Variants in TRIP12 observed in about 807,000 individuals in gnomAD.
TRIP12 encodes the protein thyroid hormone receptor interactor 12, also known as E3 ubiquitin-protein ligase TRIP12.
A neutral mutation model predicts 244.2 loss-of-function variants in TRIP12; 25 were observed. That is an observed-to-expected ratio of 0.10 (90% confidence interval 0.07 to 0.14). TRIP12 has a LOEUF of 0.14. Ranked by LOEUF, TRIP12 falls within the 10% of genes least tolerant of loss-of-function variation. TRIP12 has a pLI of 1.00. For missense variants in TRIP12, 1,677 were observed against 2,486.4 expected, an observed-to-expected ratio of 0.67 and a Z score of 6.92; for synonymous variants, 905 against 873.1, an observed-to-expected ratio of 1.04 and a Z score of -0.64.
At chr2:229,777,192 G>T (rs1210311864) in intron 37 of TRIP12, 123 bp downstream of exon 37, 23 of 1,133,110 alleles carry the variant, frequency 2.0e-5, no homozygotes, top group South Asian at 3.4e-5. Context: ...TACAATAAAA[G>T]AATTAAAATC....
chr2:229,888,526 T>C (rs902110496), intron 1 of TRIP12, among the ~76,000 whole-genome samples: 3 of 152,008 alleles, frequency 2.0e-5, no homozygotes, highest in South Asian at 2.1e-4. Context: ...GATAGTGGTG[T>C]TGGCAGACAC....
intron 1 of TRIP12, among the ~76,000 whole-genome samples, chr2:229,907,012 C>CT (rs1184147988): frequency 2.6e-5 from 4 of 152,164 alleles, no homozygotes; most frequent in African/African-American, 9.7e-5. Context: ...CAAAACTTTT[C>CT]TAAGTGTGTA....
intron 34 of TRIP12, among the ~76,000 whole-genome samples, chr2:229,785,544 A>G (rs1375233751): frequency 1.3e-5 from 2 of 152,236 alleles, no homozygotes; most frequent in Non-Finnish European, 2.9e-5. Flanking sequence ...AAAGACTAAC[A>G]ACACAAATGT....
rs1310043373 is a variant in TRIP12 at position 229,778,398 on chromosome 2, C to T, written c.5364+35G>A. 4 of 1,612,468 alleles carry T rather than the reference C, an allele frequency of 2.5e-6. No individual in the cohort carries two copies. Among genetic ancestry groups the T allele is most frequent in the South Asian group, 1.1e-5 (1 of 90,890 alleles). On this transcript the variant is annotated intron_variant, in intron 36 of 41. Coordinates refer to ENST00000675903, the MANE Select transcript of TRIP12 (RefSeq NM_001348323.3). This position sits in a 1 kb window ranked among gnomAD's most constrained non-coding sequence, Gnocchi z 4.1. The stretch of plus-strand genomic sequence containing the variant: ...AGGTACTTGCACAGAACATTCTACA[C>T]CAAAACTGCAAAAAGCAAACCATCC...
chr2:229,850,596 G>C (rs1337330888), intron 4 of TRIP12, among the ~76,000 whole-genome samples: 2 of 152,222 alleles, frequency 1.3e-5, no homozygotes, highest in Admixed American at 6.5e-5. Context: ...CGCCTCCTCT[G>C]CCTGGCCTCC....
chr2:229,836,539 T>C (rs1402868738), intron 6 of TRIP12, among the ~76,000 whole-genome samples: 1 of 152,220 alleles, frequency 6.6e-6, no homozygotes, highest in Non-Finnish European at 1.5e-5. Flanking sequence ...TTAAACTATA[T>C]CCTTACATTT....
intron 4 of TRIP12, among the ~76,000 whole-genome samples, chr2:229,850,020 G>C (rs912700381): frequency 1.3e-5 from 2 of 151,538 alleles, no homozygotes; most frequent in Non-Finnish European, 2.9e-5. Context: ...GGTACTTTCT[G>C]GATTACTTTT....
chr2:229,826,848 T>C (rs2051775164), intron 8 of TRIP12, among the ~76,000 whole-genome samples: 2 of 152,174 alleles, frequency 1.3e-5, no homozygotes, highest in Non-Finnish European at 2.9e-5. Flanking sequence ...TTACCATGAA[T>C]GGAGTTTACC....
intron 15 of TRIP12, 146 bp from the exon 16 acceptor site, chr2:229,808,515 A>G (rs2046432268): frequency 1.7e-6 from 1 of 602,566 alleles, no homozygotes. Flanking sequence ...AAAAAATGCA[A>G]AAGTGCTGTA....
chr2:229,823,731 T>C (rs1161663371), intron 8 of TRIP12, among the ~76,000 whole-genome samples: 1 of 151,338 alleles, frequency 6.6e-6, no homozygotes, highest in African/African-American at 2.4e-5. Flanking sequence ...CACATGCCTG[T>C]AACCCCAGCA....
intron 1 of TRIP12, among the ~76,000 whole-genome samples, chr2:229,911,484 T>C (rs1023127518): frequency 1.3e-5 from 2 of 152,240 alleles, no homozygotes; most frequent in African/African-American, 4.8e-5. Context: ...TTAAAGGATA[T>C]AAAACTGTGC....
At chr2:229,886,339 G>A (rs1199722246) in intron 1 of TRIP12, among the ~76,000 whole-genome samples, 1 of 152,150 alleles carries the variant, frequency 6.6e-6, no homozygotes, top group African/African-American at 2.4e-5. Flanking sequence ...GAGAAATTAG[G>A]AGAGTAAGGG....
At chr2:229,883,954 C>CA (rs2065400502) in intron 1 of TRIP12, among the ~76,000 whole-genome samples, 2 of 151,912 alleles carry the variant, frequency 1.3e-5, no homozygotes, top group South Asian at 4.1e-4. Flanking sequence ...ACTATAAATA[C>CA]AAAAATTAGC....
chr2:229,814,598 A>G (rs561616286), intron 11 of TRIP12: 16 of 305,132 alleles, frequency 5.2e-5, no homozygotes, highest in African/African-American at 3.5e-4. Context: ...TTTAAAATAG[A>G]TGAGTTGTTT....
In TRIP12 at chr2:229,797,827, T is replaced by C; in HGVS notation, c.3487A>G (p.Lys1163Glu). ...TGCTCCTTAATCCAACCTTTAATTT[T>C]TTCTCTACAAGAAACAAAAAGGAGA... ...SKDTISNNRE[K>E]IKGWIKEQAH... Residue 1163 changes from lysine (K) to glutamate (E), a missense_variant, in exon 24 of 42, where the codon AAA becomes GAA. By Grantham distance (56) the Lys-to-Glu change is moderately conservative (BLOSUM62 1). Transcript: ENST00000675903. 6.2e-7 allele frequency: 1 copy of C among 1,613,130 alleles called. No individual in the cohort carries two copies. Among genetic ancestry groups the C allele is most frequent in the Non-Finnish European group, 8.5e-7 (1 of 1,179,532 alleles).
chr2:229,857,200 A>T (rs552076530), intron 4 of TRIP12, among the ~76,000 whole-genome samples: 1 of 152,240 alleles, frequency 6.6e-6, no homozygotes, highest in Non-Finnish European at 1.5e-5. Flanking sequence ...CCAAATGTAG[A>T]TCTAAAATCC....
chr2:229,877,336 C>A (rs1334172826), intron 2 of TRIP12, among the ~76,000 whole-genome samples: 1 of 151,880 alleles, frequency 6.6e-6, no homozygotes, highest in African/African-American at 2.4e-5. Flanking sequence ...TCAAGACCAG[C>A]CTGGCCAAGA....
intron 15 of TRIP12, among the ~76,000 whole-genome samples, chr2:229,808,936 G>A (rs74001434): frequency 0.058 from 8,858 of 152,192 alleles, 860 homozygotes; most frequent in African/African-American, 0.2. Context: ...AGGACTCTGC[G>A]TGATAACCAC....
At position 229,805,650 on chromosome 2, in the gene TRIP12, A is replaced by C. The variant is rs367732854; in HGVS notation, c.2650+80T>G. The C allele has an allele frequency of 2.0e-5, 26 of 1,318,726 alleles. No homozygotes were observed. In the East Asian group the frequency reaches 5.3e-4, roughly 27 times the overall value. 81.7% of individuals were successfully genotyped at this position (1,318,726 alleles called of 1,614,324 possible). On this transcript the variant is annotated intron_variant, in intron 18 of 41. Coordinates refer to ENST00000675903, the MANE Select transcript of TRIP12 (RefSeq NM_001348323.3). ...TGTCTTAAGCTTAAAAAGATACTTA[A>C]TAAGCCAATTATTATTTATTATGCA...
Sources: gnomAD v4.1 joint callset for allele counts (sites outside exome capture counted in the v4.1 genomes callset) on GRCh38, gnomAD v4.1.1 for gene constraint, Gnocchi (gnomAD v3.1) non-coding constraint, MANE v1.5 for transcripts, NCBI Gene and HGNC (gene_info 2026-07-23, HGNC 2026-07-21) for gene names.